The following SRPK2 variants were observed in gnomAD, a reference collection of about 807,000 sequenced individuals.
SRPK2 encodes SFRS protein kinase 2.
Under a neutral mutation model 90.8 loss-of-function variants are expected in SRPK2, and 21 were observed. The observed-to-expected ratio is 0.23, with a 90% CI of 0.16 to 0.33. The LOEUF (loss-of-function observed/expected upper bound fraction) is 0.33, where lower values mean the gene tolerates loss of function less well. SRPK2 is among the 10% of genes least tolerant of loss of function. The pLI, the probability that SRPK2 is intolerant of heterozygous loss-of-function variation, is 1.00. For missense variants in SRPK2, 620 were observed against 869.0 expected (o/e 0.71, Z 3.60); for synonymous variants, 288 against 311.1 (o/e 0.93, Z 0.78).
chr7:105,389,579 G>C (rs976564568), upstream of SRPK2, among the ~76,000 whole-genome samples: 12 of 152,264 alleles, frequency 7.9e-5, no homozygotes, highest in African/African-American at 2.9e-4. Context: ...ATTGAAACTC[G>C]CTTCCGTAAA....
intron 3 of SRPK2, among the ~76,000 whole-genome samples, chr7:105,170,975 AAGAG>A (rs1167038075): frequency 1.8e-5 from 1 of 56,268 alleles, no homozygotes; most frequent in African/African-American, 8.1e-5. Context: ...AAGAGAAAGA[AAGAG>A]AAAGAAAGAA....
At chr7:105,220,633 G>T (rs563301100) in intron 2 of SRPK2, among the ~76,000 whole-genome samples, 64 of 152,304 alleles carry the variant, frequency 4.2e-4, no homozygotes, top group Non-Finnish European at 7.1e-4. Context: ...CTAAAACAAA[G>T]TCTTTCAATC....
At chr7:105,274,650 A>AG (rs1806254793) in intron 2 of SRPK2, among the ~76,000 whole-genome samples, 1 of 151,494 alleles carries the variant, frequency 6.6e-6, no homozygotes, top group Non-Finnish European at 1.5e-5. Context: ...AAAGAAAAAA[A>AG]AAAAACTGAA....
chr7:105,358,249 C>T (rs954049012), intron 2 of SRPK2, among the ~76,000 whole-genome samples: 1 of 147,996 alleles, frequency 6.8e-6, no homozygotes, highest in African/African-American at 2.5e-5. Context: ...AAAAAAACAC[C>T]CCACGTACAA....
chr7:105,240,878 A>G (rs2129623734), intron 2 of SRPK2, among the ~76,000 whole-genome samples: 1 of 152,342 alleles, frequency 6.6e-6, no homozygotes, highest in South Asian at 2.1e-4. Flanking sequence ...ATATTTATAA[A>G]GTAACCTTTG....
chr7:105,398,526 G>A (rs1822390000), intron 1 of SRPK2, among the ~76,000 whole-genome samples: 1 of 152,076 alleles, frequency 6.6e-6, no homozygotes, highest in Non-Finnish European at 1.5e-5. Flanking sequence ...TGGGATTACA[G>A]GCATATGCCA....
intron 6 of SRPK2, among the ~76,000 whole-genome samples, chr7:105,164,814 C>G (rs186967659): frequency 5.3e-5 from 8 of 152,218 alleles, no homozygotes; most frequent in Admixed American, 5.2e-4. Context: ...TATCCTTAGG[C>G]TTCTGACATT....
intron 2 of SRPK2, among the ~76,000 whole-genome samples, chr7:105,209,036 A>T (rs571382499): frequency 6.6e-6 from 1 of 152,312 alleles, no homozygotes; most frequent in South Asian, 2.1e-4. Context: ...CCAACACTAC[A>T]CCGTTATAAA....
At chr7:105,368,471 A>G (rs1466298846) in intron 2 of SRPK2, among the ~76,000 whole-genome samples, 1 of 152,214 alleles carries the variant, frequency 6.6e-6, no homozygotes, top group Non-Finnish European at 1.5e-5. Flanking sequence ...TATCAGTCCC[A>G]GAAGGGCTTG....
intron 11 of SRPK2, among the ~76,000 whole-genome samples, chr7:105,137,626 G>A (rs1048478319): frequency 4.6e-5 from 7 of 152,176 alleles, no homozygotes; most frequent in African/African-American, 1.7e-4. Flanking sequence ...GTTGAGCCAA[G>A]ATACACACTA....
At chr7:105,336,228 A>G (rs753299086) in intron 2 of SRPK2, among the ~76,000 whole-genome samples, 10 of 152,184 alleles carry the variant, frequency 6.6e-5, no homozygotes, top group South Asian at 2.1e-4. Context: ...GAAAAAAAGT[A>G]ATGTTCTTTT....
At chr7:105,229,380 C>A (rs1398513578) in intron 2 of SRPK2, among the ~76,000 whole-genome samples, 2 of 151,902 alleles carry the variant, frequency 1.3e-5, no homozygotes, top group Non-Finnish European at 2.9e-5. Flanking sequence ...AGAAGAATGG[C>A]GTGAACCCGG....
At chr7:105,359,866 TGGA>T (rs1818231527) in intron 2 of SRPK2, among the ~76,000 whole-genome samples, 1 of 152,180 alleles carries the variant, frequency 6.6e-6, no homozygotes, top group East Asian at 1.9e-4. Context: ...TGATTTGGGG[TGGA>T]GAATTTTGTA....
chr7:105,208,053 C>A (rs922224887), intron 2 of SRPK2, among the ~76,000 whole-genome samples: 13 of 152,114 alleles, frequency 8.5e-5, no homozygotes, highest in African/African-American at 3.1e-4. Flanking sequence ...AGATGCTCAA[C>A]ATCATTAGTA....
intron 2 of SRPK2, among the ~76,000 whole-genome samples, chr7:105,341,158 G>A (rs959700760): frequency 6.6e-6 from 1 of 151,978 alleles, no homozygotes; most frequent in African/African-American, 2.4e-5. Flanking sequence ...AAGGTCAGGA[G>A]TTCGAGACCA....
intron 2 of SRPK2, among the ~76,000 whole-genome samples, chr7:105,358,253 C>G (rs1161374437): frequency 2.1e-5 from 3 of 146,070 alleles, no homozygotes; most frequent in African/African-American, 5.0e-5. Flanking sequence ...AAACACCCCA[C>G]GTACAACTTC....
intron 3 of SRPK2, among the ~76,000 whole-genome samples, chr7:105,193,761 T>C (rs1794591568): frequency 3.3e-5 from 5 of 152,080 alleles, no homozygotes; most frequent in Admixed American, 2.0e-4. Context: ...ATATGCTCAA[T>C]GCAGAAAACA....
chr7:105,392,149 A>G (rs1362924073), upstream of SRPK2, among the ~76,000 whole-genome samples: 3 of 152,230 alleles, frequency 2.0e-5, no homozygotes, highest in Non-Finnish European at 4.4e-5. Flanking sequence ...TATCCAGAAT[A>G]GGCAAATCTA....
intron 7 of SRPK2, among the ~76,000 whole-genome samples, chr7:105,156,328 A>G (rs1470411548): frequency 1.3e-5 from 2 of 152,198 alleles, no homozygotes; most frequent in African/African-American, 4.8e-5. Context: ...TCTTGATGAA[A>G]TCAGGAAAGT....
Sources: gnomAD v4.1 joint callset for allele counts (sites outside exome capture counted in the v4.1 genomes callset) on GRCh38, gnomAD v4.1.1 for gene constraint, MANE v1.5 for transcripts, NCBI Gene and HGNC (gene_info 2026-07-23, HGNC 2026-07-21) for gene names.